The following ESRRG variants were observed in gnomAD, a reference collection of about 807,000 sequenced individuals.
ESRRG encodes the protein estrogen related receptor gamma.
ESRRG carries 13 observed loss-of-function variants against 44.0 expected under a neutral mutation model. The ratio of observed to expected loss-of-function variants is 0.30; its 90% confidence interval spans 0.19 to 0.47. The LOEUF (loss-of-function observed/expected upper bound fraction) is 0.47. Ranked by LOEUF, ESRRG falls within the 20% of genes least tolerant of loss-of-function variation. The probability of loss-of-function intolerance (pLI) is 1.00; values close to 1 mark genes in which losing one functional copy is unlikely to be tolerated. For missense variants in ESRRG, 395 were observed against 580.6 expected (o/e 0.68, Z 3.29); for synonymous variants, 215 against 214.6 (o/e 1.00, Z -0.02).
chr1:216,819,430 C>T (rs1046169345), intron 2 of ESRRG, among the ~76,000 whole-genome samples: 12 of 152,186 alleles, frequency 7.9e-5, no homozygotes, highest in Admixed American at 7.2e-4. Flanking sequence ...CACCCAAAAG[C>T]ATTGATCCCT....
At chr1:216,573,672 T>C (rs1663188178) in intron 3 of ESRRG, among the ~76,000 whole-genome samples, 1 of 151,892 alleles carries the variant, frequency 6.6e-6, no homozygotes, top group African/African-American at 2.4e-5. Context: ...TCTAGTATCA[T>C]GTTTTATTTC....
intron 2 of ESRRG, chr1:216,864,497 T>C (rs2096113739): frequency 6.6e-6 from 1 of 152,080 alleles, no homozygotes; most frequent in African/African-American, 2.4e-5. Flanking sequence ...TACTTTTGTA[T>C]GACACTAGAC....
chr1:216,869,245 A>T (rs1184740815), intron 2 of ESRRG, among the ~76,000 whole-genome samples: 1 of 152,116 alleles, frequency 6.6e-6, no homozygotes, highest in Non-Finnish European at 1.5e-5. Context: ...TAATTTTTGT[A>T]TAAGATGTGA....
intron 1 of ESRRG, among the ~76,000 whole-genome samples, chr1:217,071,185 C>T (rs944516530): frequency 6.6e-6 from 1 of 152,156 alleles, no homozygotes; most frequent in Non-Finnish European, 1.5e-5. Context: ...TTCCATGTTT[C>T]TGCTATGAGA....
chr1:216,867,417 TTTCTC>T (rs1447498133), intron 2 of ESRRG, among the ~76,000 whole-genome samples: 4 of 152,216 alleles, frequency 2.6e-5, no homozygotes, highest in Non-Finnish European at 4.4e-5. Flanking sequence ...TGGGCAGAAA[TTTCTC>T]TTCATATATT....
chr1:216,613,501 C>T (rs561326098), intron 3 of ESRRG, among the ~76,000 whole-genome samples: 53 of 152,284 alleles, frequency 3.5e-4, no homozygotes, highest in African/African-American at 1.2e-3. Flanking sequence ...AAATTGACCA[C>T]AAAATGACGT....
chr1:216,673,056 G>A (rs1454924126), intron 2 of ESRRG, among the ~76,000 whole-genome samples: 2 of 152,240 alleles, frequency 1.3e-5, no homozygotes, highest in South Asian at 2.1e-4. Flanking sequence ...GTCAAGGGGA[G>A]TTACATAATC....
At chr1:216,770,353 C>G (rs554242810) in intron 2 of ESRRG, among the ~76,000 whole-genome samples, 1 of 152,196 alleles carries the variant, frequency 6.6e-6, no homozygotes, top group South Asian at 2.1e-4. Context: ...AGAGCTAGTT[C>G]CATTGTCCTG....
At chr1:216,590,753 G>GT (rs1018527521) in intron 3 of ESRRG, among the ~76,000 whole-genome samples, 35 of 151,176 alleles carry the variant, frequency 2.3e-4, no homozygotes, top group South Asian at 1.0e-3. Flanking sequence ...ACCCGGTTTT[G>GT]TTTTTTTTTA....
chr1:216,634,851 T>C (rs531640744), intron 3 of ESRRG, among the ~76,000 whole-genome samples: 1 of 152,336 alleles, frequency 6.6e-6, no homozygotes, highest in Admixed American at 6.5e-5. Flanking sequence ...AGTTTACCAT[T>C]ATACATACAG....
chr1:216,518,199 C>T (rs1345619998), intron 6 of ESRRG, among the ~76,000 whole-genome samples: 1 of 151,994 alleles, frequency 6.6e-6, no homozygotes, highest in African/African-American at 2.4e-5. Flanking sequence ...CACATATGGC[C>T]CCAGAAAACA....
At chr1:216,605,101 A>G (rs1333634589) in intron 3 of ESRRG, among the ~76,000 whole-genome samples, 1 of 152,228 alleles carries the variant, frequency 6.6e-6, no homozygotes, top group African/African-American at 2.4e-5. Flanking sequence ...AAACGTAACC[A>G]AGAAACAGAG....
intron 1 of ESRRG, among the ~76,000 whole-genome samples, chr1:216,968,950 G>A (rs776705764): frequency 2.5e-4 from 38 of 152,006 alleles, no homozygotes; most frequent in Non-Finnish European, 4.4e-4. Context: ...ATACTCAAGT[G>A]TTTTACTTTT....
chr1:216,601,643 C>A (rs1356433229), intron 3 of ESRRG, among the ~76,000 whole-genome samples: 1 of 152,064 alleles, frequency 6.6e-6, no homozygotes, highest in East Asian at 1.9e-4. Context: ...TTTCCCAGGT[C>A]CCTTGCAAGA....
At chr1:217,018,107 C>A (rs950694713) in intron 1 of ESRRG, among the ~76,000 whole-genome samples, 2 of 152,178 alleles carry the variant, frequency 1.3e-5, no homozygotes, top group African/African-American at 2.4e-5. Flanking sequence ...AACCAACATA[C>A]AAGCCACACT....
intron 2 of ESRRG, chr1:216,862,267 C>G (rs1451479424): frequency 6.6e-6 from 1 of 151,316 alleles, no homozygotes; most frequent in African/African-American, 2.4e-5. Flanking sequence ...CTCTGTTGCC[C>G]TGGCTGGAGT....
At chr1:216,983,061 A>G (rs1209983310) in intron 1 of ESRRG, among the ~76,000 whole-genome samples, 1 of 142,762 alleles carries the variant, frequency 7.0e-6, no homozygotes, top group Non-Finnish European at 1.5e-5. Flanking sequence ...TTAACTGTCT[A>G]AGCCTAAACT....
intron 3 of ESRRG, among the ~76,000 whole-genome samples, chr1:216,649,055 A>G (rs566512377): frequency 6.6e-6 from 1 of 152,264 alleles, no homozygotes; most frequent in African/African-American, 2.4e-5. Context: ...TCACAAACGT[A>G]AGCTACCACC....
intron 1 of ESRRG, among the ~76,000 whole-genome samples, chr1:216,961,382 A>G (rs2069018261): frequency 6.6e-6 from 1 of 152,200 alleles, no homozygotes; most frequent in African/African-American, 2.4e-5. Context: ...ACCATAAAAA[A>G]ATGATAAAGT....
Sources: gnomAD v4.1 joint callset for allele counts (sites outside exome capture counted in the v4.1 genomes callset) on GRCh38, gnomAD v4.1.1 for gene constraint, MANE v1.5 for transcripts, NCBI Gene and HGNC (gene_info 2026-07-23, HGNC 2026-07-21) for gene names.